The following SRCAP variants were observed in gnomAD, a reference collection of about 807,000 sequenced individuals.
SRCAP encodes Snf2 related CREBBP activator protein.
Under a neutral mutation model 263.1 loss-of-function variants are expected in SRCAP, and 46 were observed. The observed-to-expected ratio is 0.17, with a 90% CI of 0.14 to 0.22. The LOEUF (loss-of-function observed/expected upper bound fraction) is 0.22, where lower values mean the gene tolerates loss of function less well. SRCAP is among the 10% of genes least tolerant of loss of function. SRCAP has a pLI of 1.00. For synonymous variants in SRCAP, 1,813 were observed against 1,662.1 expected, an observed-to-expected ratio of 1.09 and a Z score of -2.21; for missense variants, 3,695 against 4,181.9, an observed-to-expected ratio of 0.88 and a Z score of 3.21.
In SRCAP at chr16:30,739,166, G is replaced by A. The variant is rs765830028; in HGVS notation, c.9126G>A (p.Arg3042=). 6.2e-7 allele frequency: 1 copy of A among 1,613,884 alleles called. No individual in the cohort carries two copies. The highest frequency in any genetic ancestry group is 1.7e-5 in the Admixed American group (1 of 60,016). The change falls in exon 34 of 34, where the codon CGG becomes CGA. Residue 3042 remains arginine (R), a synonymous_variant. Transcript: ENST00000262518. ...AGAGCTGTGGATTGGGGAGGCGACGGCAACCCCAGGGCCAAGGGGAGAGTG... is the reference window on the plus strand; with the variant it reads ...AGAGCTGTGGATTGGGGAGGCGACGACAACCCCAGGGCCAAGGGGAGAGTG... ...VLESCGLGRR[R]QPQGQGESEG...
intron 18 of SRCAP, among the ~76,000 whole-genome samples, chr16:30,719,714 A>G (rs188430577): frequency 2.6e-5 from 4 of 152,026 alleles, no homozygotes; most frequent in Non-Finnish European, 5.9e-5. Flanking sequence ...GGGTCTTACT[A>G]TGTTGCCTAG....
At position 30,729,309 on chromosome 16, in the gene SRCAP, G is replaced by T. The variant is rs933416603; in HGVS notation, c.5925-61G>T. 30 of 1,606,514 alleles carry T rather than the reference G, an allele frequency of 1.9e-5. No homozygotes were observed. The African/African-American group carries it at 3.7e-4, about 20-fold the overall frequency. On this transcript the variant is annotated intron_variant, in intron 26 of 33. Coordinates refer to ENST00000262518, the MANE Select transcript of SRCAP (RefSeq NM_006662.3). ...TGTAGTGCTTAGGGCTGGTGAAGGT[G>T]TTAACTTCTGGGGCATTTCAGAGTC...
rs539793255 is a variant in SRCAP at position 30,723,766 on chromosome 16, C to G, written c.4342C>G (p.Pro1448Ala). The G allele has an allele frequency of 6.2e-7, 1 of 1,614,096 alleles. No individual in the cohort carries two copies. Residue 1448 changes from proline to alanine, a missense_variant, in exon 25 of 34, where the codon CCT becomes GCT. By Grantham distance (27) the Pro-to-Ala change is conservative. Coordinates refer to ENST00000262518, the MANE Select transcript of SRCAP (RefSeq NM_006662.3). ...SLPISVPTTL[P>A]APASAPLTIP... Reference sequence around the variant, plus strand: ...CCCCATCTCTGTCCCCACCACACTTCCTGCCCCAGCCTCGGCTCCACTCAC... The same window carrying G: ...CCCCATCTCTGTCCCCACCACACTTGCTGCCCCAGCCTCGGCTCCACTCAC...
chr16:30,739,816 T>A lies in SRCAP; in HGVS notation c.*83T>A, dbSNP rs147764660. The stretch of plus-strand genomic sequence containing the variant: ...TGACTCTGTTAACCACTACTTGAAG[T>A]CTTGAGGGGGAAAGCCTCCAGGGAG... On this transcript the variant is annotated 3_prime_UTR_variant, in exon 34 of 34. Coordinates refer to ENST00000262518, the MANE Select transcript of SRCAP (RefSeq NM_006662.3). 4.6e-5 allele frequency: 66 copies of A among 1,422,868 alleles called. No individual in the cohort carries two copies. The African/African-American group carries it at 8.5e-4, about 18-fold the overall frequency. The allele number at this position is 1,422,868 out of a possible 1,614,324, so 88.1% of individuals were successfully genotyped here.
chr16:30,702,621 T>C (rs865911970), intron 3 of SRCAP, among the ~76,000 whole-genome samples: 4 of 108,276 alleles, frequency 3.7e-5, no homozygotes, highest in Admixed American at 1.2e-4. Context: ...CCCTCCCTCC[T>C]TCCTTCCTTC....
chr16:30,735,811 C>T (rs1173977975), intron 31 of SRCAP, among the ~76,000 whole-genome samples: 2 of 151,806 alleles, frequency 1.3e-5, no homozygotes, highest in African/African-American at 4.8e-5. Context: ...GAACTCCTGA[C>T]CTCATGATCT....
At position 30,729,918 on chromosome 16, in the gene SRCAP, C is replaced by T. The variant is rs111894709; in HGVS notation, c.6127+346C>T. 3.0e-3 allele frequency among the ~76,000 whole-genome samples: 455 copies of T among 152,294 alleles called. 1 individual carries two copies. The highest frequency in any genetic ancestry group is 0.011 in the African/African-American group (445 of 41,546). On this transcript the variant is annotated intron_variant, in intron 27 of 33. Coordinates refer to ENST00000262518, the MANE Select transcript of SRCAP (RefSeq NM_006662.3). Reference sequence around the variant, plus strand: ...GAATAGCTGTGATTACAGACATACGCCACCATGCCTGGCTAATTTTTGTAT... The same window carrying T: ...GAATAGCTGTGATTACAGACATACGTCACCATGCCTGGCTAATTTTTGTAT...
rs1056362970 is a variant in SRCAP at position 30,737,663 on chromosome 16, T to C, written c.7623T>C (p.Thr2541=). 7.4e-6 allele frequency: 12 copies of C among 1,614,136 alleles called. No individual in the cohort carries two copies. The highest frequency in any genetic ancestry group is 1.0e-5 in the Non-Finnish European group (12 of 1,180,038). Residue 2541 remains threonine (T), a synonymous_variant, in exon 34 of 34, where the codon ACT becomes ACC. Transcript: ENST00000262518. ...PPSVPISASV[T]NLPLGLRPEA... ...CTGTGCCCATCTCTGCCTCAGTCAC[T>C]AATCTCCCCTTGGGCTTGAGGCCTG...
intron 3 of SRCAP, among the ~76,000 whole-genome samples, chr16:30,702,313 A>G (rs2052775292): frequency 6.6e-6 from 1 of 150,608 alleles, no homozygotes; most frequent in African/African-American, 2.5e-5. Flanking sequence ...GCTCACTGCA[A>G]CCTCCACCTC....
chr16:30,712,393 GA>G lies in SRCAP; in HGVS notation c.1948del (p.Thr650ProfsTer22). ...TTGCTGATGAGATGGGGCTTGGGAA[GA>G]CCATCCAGACCATCTCTCTGCTTGC... is the stretch of plus-strand genomic sequence containing the variant. ...ILADEMGLGK[T>X]IQTISLLAHL... On this transcript the variant is annotated frameshift_variant, in exon 13 of 34. Transcript: ENST00000262518. LOFTEE classifies it high-confidence loss of function. 1 of 1,597,962 alleles carries G rather than the reference GA, an allele frequency of 6.3e-7. No individual in the cohort carries two copies.
intron 27 of SRCAP, among the ~76,000 whole-genome samples, chr16:30,730,717 A>AGGT (rs2053106083): frequency 6.8e-6 from 1 of 146,728 alleles, no homozygotes; most frequent in Admixed American, 6.8e-5. Flanking sequence ...GGTGTGAACC[A>AGGT]CTGCGCCCAG....
intron 3 of SRCAP, among the ~76,000 whole-genome samples, chr16:30,703,149 C>CTATATATATATATATATA (rs368190667): frequency 1.0e-4 from 15 of 143,406 alleles, no homozygotes; most frequent in African/African-American, 3.9e-4. Flanking sequence ...AAATCATATG[C>CTATATATATATATATATA]TATATATATA....
intron 3 of SRCAP, among the ~76,000 whole-genome samples, chr16:30,703,026 A>G (rs2052785762): frequency 1.3e-5 from 2 of 152,190 alleles, no homozygotes; most frequent in African/African-American, 2.4e-5. Flanking sequence ...ATTTAGTGGT[A>G]GCTCACATTT....
chr16:30,738,654 G>C lies in SRCAP; in HGVS notation c.8614G>C (p.Asp2872His). Residue 2872 changes from aspartate (D) to histidine (H), a missense_variant, in exon 34 of 34, where the codon GAT becomes CAT. Transcript: ENST00000262518. ...RPPKKNRSPADAGRGVDEAPS... is the reference protein window; with the variant it reads ...RPPKKNRSPAHAGRGVDEAPS... Reference sequence around the variant, plus strand: ...CCCCAAGAAGAACAGGTCTCCAGCAGATGCTGGGAGAGGTGTGGATGAGGC... The same window carrying C: ...CCCCAAGAAGAACAGGTCTCCAGCACATGCTGGGAGAGGTGTGGATGAGGC... 1 of 1,612,432 alleles carries C rather than the reference G, an allele frequency of 6.2e-7. No homozygotes were observed. Among genetic ancestry groups the C allele is most frequent in the Non-Finnish European group, 8.5e-7 (1 of 1,179,262 alleles).
intron 4 of SRCAP, among the ~76,000 whole-genome samples, chr16:30,705,039 G>A (rs1034395029): frequency 6.6e-6 from 1 of 152,074 alleles, no homozygotes; most frequent in Non-Finnish European, 1.5e-5. Flanking sequence ...GGTGGCTCAT[G>A]CCTGTAATCC....
At position 30,739,734 on chromosome 16, in the gene SRCAP, G is replaced by A. The variant is rs776557423; in HGVS notation, c.*1G>A. ...CAGAGGCCGCAAGGCCAAGACGTGA[G>A]TGGGCTGCCCCTCCACCTAGGCTTT... On this transcript the variant is annotated 3_prime_UTR_variant, in exon 34 of 34. Coordinates refer to ENST00000262518, the MANE Select transcript of SRCAP (RefSeq NM_006662.3). 6.1e-6 allele frequency: 9 copies of A among 1,469,392 alleles called. No homozygotes were observed. The highest frequency in any genetic ancestry group is 7.2e-6 in the Non-Finnish European group (8 of 1,109,180). 91.0% of individuals were successfully genotyped at this position (1,469,392 alleles called of 1,614,324 possible). A position where few individuals can be genotyped will look rare whatever the true frequency, so the allele number is the denominator to read the frequency against.
intron 15 of SRCAP, 63 bp from the exon 16 acceptor site, chr16:30,713,456 A>AT: frequency 1.2e-6 from 2 of 1,611,168 alleles, no homozygotes; most frequent in South Asian, 2.2e-5. Context: ...AATGTATCAG[A>AT]ATGCTCAGAA....
At chr16:30,730,683 G>T (rs2053105660) in intron 27 of SRCAP, among the ~76,000 whole-genome samples, 1 of 150,828 alleles carries the variant, frequency 6.6e-6, no homozygotes, top group South Asian at 2.1e-4. Context: ...GCCCACCTTG[G>T]CCTCCCAAAG....
Position 30,738,934 on chromosome 16 carries a change from G to A in SRCAP, c.8894G>A (p.Arg2965Gln), listed in dbSNP as rs201043719. ...SSAGDGNSES[R>Q]TQPPPHPSPL... ...GCAGGGGATGGCAACTCCGAAAGTCGGACACAGCCACCCCCACACCCATCA... is the reference window on the plus strand; with the variant it reads ...GCAGGGGATGGCAACTCCGAAAGTCAGACACAGCCACCCCCACACCCATCA... The change falls in exon 34 of 34, where the codon CGG becomes CAG. Residue 2965 changes from arginine to glutamine, a missense_variant. By Grantham distance (43) the Arg-to-Gln change is conservative. Around this residue, in one of 12 missense-constraint regions of SRCAP, gnomAD observed 1,207 missense variants for 1,142.9 expected, o/e 1.06. Transcript: ENST00000262518. 26 of 1,613,944 alleles carry A rather than the reference G, an allele frequency of 1.6e-5. No individual in the cohort carries two copies. In the Admixed American group the frequency reaches 2.2e-4, roughly 13 times the overall value.
Sources: allele counts gnomAD v4.1 joint callset (sites outside exome capture counted in the v4.1 genomes callset), GRCh38; gene constraint gnomAD v4.1.1; regional missense constraint gnomAD v4.1.1; transcripts MANE v1.5; gene names NCBI Gene and HGNC (gene_info 2026-07-23, HGNC 2026-07-21).